The following PARG variants were observed in gnomAD, a reference collection of about 807,000 sequenced individuals.
PARG encodes poly(ADP-ribose) glycohydrolase, also known as mitochondrial poly(ADP-ribose) glycohydrolase.
A neutral mutation model predicts 113.0 loss-of-function variants in PARG; 35 were observed. The ratio of observed to expected loss-of-function variants is 0.31; its 90% CI spans 0.24 to 0.41. PARG has a LOEUF of 0.41. Among genes scored for constraint, PARG ranks in the 10% least tolerant of loss-of-function variants. The pLI, the probability that PARG is intolerant of heterozygous loss-of-function variation, is 1.00. For missense variants in PARG, 797 were observed against 1,169.4 expected (o/e 0.68, Z 4.64); for synonymous variants, 330 against 409.9 (o/e 0.81, Z 2.36).
At chr10:49,937,032 A>G (rs2132996765) in intron 1 of PARG, among the ~76,000 whole-genome samples, 1 of 152,370 alleles carries the variant, frequency 6.6e-6, no homozygotes, top group East Asian at 1.9e-4. Context: ...GATTTTATTT[A>G]GCTTTCTGCA....
At chr10:49,917,894 T>C (rs2132861045) in intron 6 of PARG, among the ~76,000 whole-genome samples, 1 of 152,146 alleles carries the variant, frequency 6.6e-6, no homozygotes, top group East Asian at 1.9e-4. Context: ...GGTATCTAAT[T>C]TCAAAACTTC....
At chr10:49,922,131 T>C (rs1837908273) in intron 6 of PARG, among the ~76,000 whole-genome samples, 2 of 152,208 alleles carry the variant, frequency 1.3e-5, no homozygotes, top group Non-Finnish European at 2.9e-5. Context: ...CTCCAAATTA[T>C]TCTGTGTGGC....
chr10:49,830,669 T>C (rs1268413761), intron 16 of PARG, among the ~76,000 whole-genome samples: 1 of 151,628 alleles, frequency 6.6e-6, no homozygotes. Context: ...AACAAACAAA[T>C]GGCCAATAAA....
chr10:49,847,236 T>C lies in PARG; in HGVS notation c.2354-3604A>G, dbSNP rs1416817122. On this transcript the variant is annotated intron_variant, in intron 13 of 17. Coordinates refer to ENST00000616448, the MANE Select transcript of PARG (RefSeq NM_003631.5). ...AATTAGCAATGACTGCTAAAATTAGTAGGTGAAGGTTTGATGAGGACAAGA... is the reference window on the plus strand; with the variant it reads ...AATTAGCAATGACTGCTAAAATTAGCAGGTGAAGGTTTGATGAGGACAAGA... 4.6e-5 allele frequency among the ~76,000 whole-genome samples: 7 copies of C among 152,318 alleles called. No homozygotes were observed. The East Asian group carries it at 1.3e-3, about 29-fold the overall frequency.
At chr10:49,935,871 C>G (rs1838716389) in intron 1 of PARG, among the ~76,000 whole-genome samples, 1 of 151,936 alleles carries the variant, frequency 6.6e-6, no homozygotes, top group Non-Finnish European at 1.5e-5. Context: ...TCTTGAATGA[C>G]CCACAAAGAG....
intron 7 of PARG, among the ~76,000 whole-genome samples, chr10:49,906,000 G>GT (rs1472503878): frequency 6.7e-6 from 1 of 149,118 alleles, no homozygotes; most frequent in East Asian, 1.9e-4. Context: ...GCGATGCCAA[G>GT]TAACAGGAGA....
chr10:49,861,503 AAC>A (rs1195925063), intron 12 of PARG, 83 bp downstream of exon 12: 1 of 691,216 alleles, frequency 1.4e-6, no homozygotes, highest in Admixed American at 2.2e-5. Flanking sequence ...GAGACAAATA[AAC>A]AGTTTTTCAA....
At chr10:49,857,009 CAA>C (rs71270682) in intron 13 of PARG, among the ~76,000 whole-genome samples, 1,081 of 74,500 alleles carry the variant, frequency 0.015, 5 homozygotes, top group African/African-American at 0.037. Context: ...ACCTCTGTCT[CAA>C]AAAAAAAAAA....
At chr10:49,837,171 G>A (rs1270845353) in intron 15 of PARG, among the ~76,000 whole-genome samples, 6 of 152,040 alleles carry the variant, frequency 3.9e-5, no homozygotes, top group African/African-American at 7.3e-5. Context: ...CAATAAGACC[G>A]GTGGAGCCTG....
At chr10:49,926,793 ATAACT>A (rs1838189069) in intron 4 of PARG, among the ~76,000 whole-genome samples, 1 of 152,226 alleles carries the variant, frequency 6.6e-6, no homozygotes, top group Non-Finnish European at 1.5e-5. Flanking sequence ...GATTTTGCCA[ATAACT>A]TCTGCTTTCC....
chr10:49,823,577 T>C (rs1844212571), intron 16 of PARG, among the ~76,000 whole-genome samples: 1 of 152,124 alleles, frequency 6.6e-6, no homozygotes, highest in South Asian at 2.1e-4. Flanking sequence ...AACTTATCCA[T>C]ACATTAAAGT....
chr10:49,910,652 T>G (rs1209581052), intron 7 of PARG, among the ~76,000 whole-genome samples: 1 of 152,154 alleles, frequency 6.6e-6, no homozygotes, highest in Non-Finnish European at 1.5e-5. Context: ...GAAAGGAAGA[T>G]GAAATAGTCA....
At chr10:49,901,645 A>C (rs1470646358) in intron 7 of PARG, among the ~76,000 whole-genome samples, 6 of 152,084 alleles carry the variant, frequency 3.9e-5, no homozygotes, top group Non-Finnish European at 7.4e-5. Context: ...CTGGAAGCGC[A>C]CTCTTTGGAG....
At position 49,832,634 on chromosome 10, in the gene PARG, A is replaced by G. The variant is rs560792798; in HGVS notation, c.2647+169T>C. Among the ~76,000 whole-genome samples, 5 of 152,334 alleles carry G rather than the reference A, an allele frequency of 3.3e-5. No homozygotes were observed. The East Asian group carries it at 9.6e-4, about 29-fold the overall frequency. ...CCTCTGAAGGAAAATGGTAAATGAA[A>G]TAAGAATTCCTTCAAACATAATAGG... On this transcript the variant is annotated intron_variant, in intron 16 of 17. Transcript: ENST00000616448.
chr10:49,939,310 G>C (rs1321529186), intron 1 of PARG, among the ~76,000 whole-genome samples: 1 of 152,074 alleles, frequency 6.6e-6, no homozygotes, highest in Non-Finnish European at 1.5e-5. Context: ...TAGTCTCCCT[G>C]TCTACAGCCT....
intron 15 of PARG, among the ~76,000 whole-genome samples, chr10:49,835,239 C>T (rs1436676986): frequency 3.9e-5 from 6 of 152,168 alleles, no homozygotes; most frequent in African/African-American, 7.2e-5. Flanking sequence ...TTGGCAAATG[C>T]GTTTGTTTTT....
chr10:49,826,452 T>C (rs1554829402), intron 16 of PARG, among the ~76,000 whole-genome samples: 1 of 152,190 alleles, frequency 6.6e-6, no homozygotes, highest in African/African-American at 2.4e-5. Flanking sequence ...AATCACAGCA[T>C]GGTAGAAAAT....
chr10:49,890,579 C>T (rs1377616058), intron 7 of PARG, among the ~76,000 whole-genome samples: 3 of 152,142 alleles, frequency 2.0e-5, no homozygotes, highest in African/African-American at 4.8e-5. Context: ...TGACCCCCAA[C>T]ACATCAGCCC....
chr10:49,859,648 A>G (rs1395458792), intron 12 of PARG, among the ~76,000 whole-genome samples: 5 of 152,164 alleles, frequency 3.3e-5, no homozygotes, highest in African/African-American at 4.8e-5. Flanking sequence ...AAATAAAAAG[A>G]TAAGCTCTAT....
Sources: gnomAD v4.1 joint callset for allele counts (sites outside exome capture counted in the v4.1 genomes callset) on GRCh38, gnomAD v4.1.1 for gene constraint, MANE v1.5 for transcripts, NCBI Gene and HGNC (gene_info 2026-07-23, HGNC 2026-07-21) for gene names.